The following ATP10A variants were observed in gnomAD, a reference collection of about 807,000 sequenced individuals.
ATP10A encodes the protein ATPase phospholipid transporting 10A (putative), also known as phospholipid-transporting ATPase VA.
In ATP10A, 111 loss-of-function variants were observed where a neutral mutation model predicts 147.8. The observed-to-expected ratio is 0.75, with a 90% CI of 0.64 to 0.88. ATP10A has a LOEUF of 0.88. ATP10A is among the 40% of genes least tolerant of loss of function. The probability of loss-of-function intolerance (pLI) is 0.00; values close to 1 mark genes in which losing one functional copy is unlikely to be tolerated. For missense variants in ATP10A, 1,927 were observed against 1,959.0 expected (o/e 0.98, Z 0.31); for synonymous variants, 875 against 841.6 (o/e 1.04, Z -0.69).
chr15:25,793,192 T>C (rs1166273434), intron 1 of ATP10A, among the ~76,000 whole-genome samples: 1 of 152,162 alleles, frequency 6.6e-6, no homozygotes. Context: ...TTTAAGACTG[T>C]CTTGGCTCAT....
chr15:25,691,983 A>C (rs1900064230), intron 14 of ATP10A, among the ~76,000 whole-genome samples, 192 bp from the exon 15 acceptor site: 1 of 152,164 alleles, frequency 6.6e-6, no homozygotes, highest in Non-Finnish European at 1.5e-5. Context: ...AGCTAGCGAC[A>C]CCAGGAGATG....
intron 1 of ATP10A, chr15:25,841,795 TA>T (rs1892824274): frequency 6.6e-6 from 1 of 152,228 alleles, no homozygotes; most frequent in African/African-American, 2.4e-5. Context: ...TATATGTAAG[TA>T]TTTTATTTTC....
intron 1 of ATP10A, among the ~76,000 whole-genome samples, chr15:25,836,768 C>T (rs1892615190): frequency 6.6e-6 from 1 of 152,140 alleles, no homozygotes; most frequent in Non-Finnish European, 1.5e-5. Context: ...GAAGTGGGCA[C>T]TATCGTTACT....
intron 1 of ATP10A, among the ~76,000 whole-genome samples, chr15:25,813,934 A>C (rs750308723): frequency 6.6e-6 from 1 of 152,122 alleles, no homozygotes; most frequent in East Asian, 1.9e-4. Flanking sequence ...CTGTAAATTC[A>C]AGTTTGGGGG....
chr15:25,702,229 G>T, intron 12 of ATP10A, 129 bp from the exon 13 acceptor site: 1 of 946,146 alleles, frequency 1.1e-6, no homozygotes. Context: ...CCTGGGCCTT[G>T]CCAGGGGCTG....
At chr15:25,851,419 A>T (rs1893293629) in intron 1 of ATP10A, among the ~76,000 whole-genome samples, 1 of 152,094 alleles carries the variant, frequency 6.6e-6, no homozygotes, top group South Asian at 2.1e-4. Flanking sequence ...TCAATCAAAG[A>T]CATCGTTAAA....
intron 1 of ATP10A, among the ~76,000 whole-genome samples, chr15:25,788,281 C>A (rs1890260528): frequency 6.6e-6 from 1 of 152,256 alleles, no homozygotes; most frequent in Admixed American, 6.5e-5. Flanking sequence ...AGCCACGGTG[C>A]ACACACAGTC....
upstream of ATP10A, among the ~76,000 whole-genome samples, chr15:25,864,155 G>A (rs541360313): frequency 6.6e-6 from 1 of 152,212 alleles, no homozygotes; most frequent in South Asian, 2.1e-4. Context: ...GTGGGGAGGA[G>A]AGGGGAGCGT....
intron 1 of ATP10A, among the ~76,000 whole-genome samples, chr15:25,783,483 C>T (rs1184742823): frequency 6.8e-6 from 1 of 147,118 alleles, no homozygotes; most frequent in South Asian, 2.1e-4. Context: ...AGGGACCCCC[C>T]CCTGGCAAAG....
chr15:25,740,103 G>C (rs1390402115), intron 2 of ATP10A, among the ~76,000 whole-genome samples: 1 of 152,214 alleles, frequency 6.6e-6, no homozygotes, highest in Non-Finnish European at 1.5e-5. Flanking sequence ...TCACAGGGGA[G>C]ATTCTGTTAC....
downstream of ATP10A, among the ~76,000 whole-genome samples, chr15:25,674,539 TAATA>T (rs1290894748): frequency 2.0e-5 from 3 of 152,206 alleles, no homozygotes; most frequent in African/African-American, 4.8e-5. Context: ...GCTTCGGGAA[TAATA>T]AATAAATAAA....
chr15:25,723,395 T>G (rs918031845), intron 6 of ATP10A, among the ~76,000 whole-genome samples: 2 of 151,470 alleles, frequency 1.3e-5, no homozygotes, highest in African/African-American at 2.4e-5. Context: ...GGACTAAAGT[T>G]GGCTTCTTAG....
chr15:25,729,222 C>T (rs889799182), intron 3 of ATP10A, among the ~76,000 whole-genome samples: 2 of 152,170 alleles, frequency 1.3e-5, no homozygotes, highest in African/African-American at 2.4e-5. Flanking sequence ...CGTGGTGGCT[C>T]ACGCCTGTAA....
Position 25,863,236 on chromosome 15 carries a change from C to T in ATP10A, c.-140G>A. On this transcript the variant is annotated 5_prime_UTR_variant, in exon 1 of 21. Transcript: ENST00000555815. ...CGCACGGAGACCGCGGTCAGCGCGC[C>T]GCCTGGCCGGCCCAGCGCGCCCAGC... 3.9e-6 allele frequency: 2 copies of T among 512,098 alleles called. No homozygotes were observed. The highest frequency in any genetic ancestry group is 5.2e-6 in the Non-Finnish European group (2 of 387,340). 31.7% of individuals were successfully genotyped at this position (512,098 alleles called of 1,614,324 possible).
chr15:25,676,709 A>G (rs372866016), downstream of ATP10A, among the ~76,000 whole-genome samples: 20 of 150,778 alleles, frequency 1.3e-4, no homozygotes, highest in African/African-American at 4.8e-4. Flanking sequence ...CCTGAAGTCT[A>G]TGTTGTCTGA....
At chr15:25,718,026 G>A (rs150805304) in intron 8 of ATP10A, among the ~76,000 whole-genome samples, 156 bp downstream of exon 8, 1 of 152,354 alleles carries the variant, frequency 6.6e-6, no homozygotes, top group East Asian at 1.9e-4. Context: ...ACAGTGGAGA[G>A]AAAGTGTTGG....
At chr15:25,773,365 T>G (rs1006310624) in intron 2 of ATP10A, among the ~76,000 whole-genome samples, 1 of 152,252 alleles carries the variant, frequency 6.6e-6, no homozygotes, top group African/African-American at 2.4e-5. Flanking sequence ...CTGACAGGTC[T>G]TGCATTGTGC....
chr15:25,814,302 C>T (rs10468163), intron 1 of ATP10A, among the ~76,000 whole-genome samples: 2,025 of 152,282 alleles, frequency 0.013, 36 homozygotes, highest in African/African-American at 0.047. Context: ...ATTTTAAAAA[C>T]GTAGGAAAAA....
chr15:25,784,510 CT>C (rs1030086449), intron 1 of ATP10A, among the ~76,000 whole-genome samples: 1 of 152,214 alleles, frequency 6.6e-6, no homozygotes, highest in African/African-American at 2.4e-5. Context: ...AGATTCCCCC[CT>C]GAGGACCCTC....
Sources: allele counts gnomAD v4.1 joint callset (sites outside exome capture counted in the v4.1 genomes callset), GRCh38; gene constraint gnomAD v4.1.1; transcripts MANE v1.5; gene names NCBI Gene and HGNC (gene_info 2026-07-23, HGNC 2026-07-21).